Variants in ADRA1B observed in about 807,000 individuals in gnomAD.
ADRA1B encodes alpha-1B adrenergic receptor.
Under a neutral mutation model 17.9 loss-of-function variants are expected in ADRA1B, and 17 were observed. The observed-to-expected ratio is 0.95, with a 90% CI of 0.65 to 1.42. The LOEUF is 1.42. ADRA1B is among the 40% of genes most tolerant of loss of function. The pLI is 0.00. For synonymous variants in ADRA1B, 366 were observed against 327.6 expected, an observed-to-expected ratio of 1.12 and a Z score of -1.27; for missense variants, 681 against 722.1, an observed-to-expected ratio of 0.94 and a Z score of 0.65.
chr5:159,906,163 T>G (rs1003265482), intron 1 of ADRA1B, among the ~76,000 whole-genome samples: 2 of 152,188 alleles, frequency 1.3e-5, no homozygotes, highest in Non-Finnish European at 2.9e-5. Flanking sequence ...CACAATGCCA[T>G]TTTTAATGAG....
At chr5:159,926,940 A>G (rs952951682) in intron 1 of ADRA1B, among the ~76,000 whole-genome samples, 1 of 152,124 alleles carries the variant, frequency 6.6e-6, no homozygotes. Context: ...AAATGGGCTC[A>G]GGGGGGTTAA....
chr5:159,954,115 G>A (rs1755503707), intron 1 of ADRA1B, among the ~76,000 whole-genome samples: 1 of 152,124 alleles, frequency 6.6e-6, no homozygotes, highest in Admixed American at 6.5e-5. Context: ...AGATGGGAAT[G>A]GACAAGGAGG....
intron 1 of ADRA1B, among the ~76,000 whole-genome samples, chr5:159,886,288 C>G (rs1753922179): frequency 6.6e-6 from 1 of 152,142 alleles, no homozygotes; most frequent in Admixed American, 6.5e-5. Context: ...ATGCTCATCT[C>G]CCTTCCACCT....
intron 1 of ADRA1B, among the ~76,000 whole-genome samples, chr5:159,923,158 G>A (rs767003805): frequency 2.0e-5 from 3 of 152,284 alleles, no homozygotes; most frequent in African/African-American, 4.8e-5. Flanking sequence ...AGGCAGGTGC[G>A]TGTCAAGGCC....
At chr5:159,983,016 G>C in the ADRA1B span, among the ~76,000 whole-genome samples, 11 of 152,234 alleles carry the variant, frequency 7.2e-5, no homozygotes, top group African/African-American at 1.2e-4. Flanking sequence ...ATGATGTTCA[G>C]TTAATCCTGC....
At chr5:159,941,848 G>T (rs1203206924) in intron 1 of ADRA1B, among the ~76,000 whole-genome samples, 1 of 151,274 alleles carries the variant, frequency 6.6e-6, no homozygotes, top group Non-Finnish European at 1.5e-5. Context: ...CACAGAGAGA[G>T]AAAGTAGATG....
chr5:159,922,912 C>A (rs1406362098), intron 1 of ADRA1B, among the ~76,000 whole-genome samples: 1 of 152,250 alleles, frequency 6.6e-6, no homozygotes. Context: ...ACATAAACTG[C>A]AACAAGTGAC....
chr5:159,972,409 G>C lies in ADRA1B; in HGVS notation c.1480G>C (p.Gly494Arg), dbSNP rs1238651925. The C allele has an allele frequency of 2.0e-6, 3 of 1,509,300 alleles. No homozygotes were observed. The African/African-American group carries it at 4.3e-5, about 21-fold the overall frequency. The allele number at this position is 1,509,300 out of a possible 1,614,324, so 93.5% of individuals were successfully genotyped here. ...SPGTDGGASN[G>R]GCEAAADVAN... The stretch of plus-strand genomic sequence containing the variant: ...CGGGACCGACGGCGGCGCCAGCAAC[G>C]GAGGCTGCGAGGCCGCGGCCGACGT... Residue 494 changes from glycine (G) to arginine (R), a missense_variant, in exon 2 of 2, where the codon GGA becomes CGA. By Grantham distance (125) the Gly-to-Arg change is moderately radical (BLOSUM62 -2). Transcript: ENST00000306675.
At chr5:159,884,216 C>T (rs1353585618) in intron 1 of ADRA1B, among the ~76,000 whole-genome samples, 1 of 152,232 alleles carries the variant, frequency 6.6e-6, no homozygotes, top group Non-Finnish European at 1.5e-5. Flanking sequence ...TTTTCCCAAT[C>T]CCTAAATGGC....
chr5:159,880,903 G>C (rs182840756), intron 1 of ADRA1B, among the ~76,000 whole-genome samples: 2 of 152,170 alleles, frequency 1.3e-5, no homozygotes, highest in Non-Finnish European at 2.9e-5. Flanking sequence ...TCTAGGTTAG[G>C]TAAATATCAG....
intron 1 of ADRA1B, among the ~76,000 whole-genome samples, chr5:159,892,098 G>A (rs745502409): frequency 1.2e-4 from 18 of 152,138 alleles, no homozygotes; most frequent in African/African-American, 3.6e-4. Flanking sequence ...TTAGCTGGGC[G>A]TGGTGGCGCA....
At chr5:159,948,362 T>C in intron 1 of ADRA1B, 1 of 985,384 alleles carries the variant, frequency 1.0e-6, no homozygotes, top group African/African-American at 1.7e-5. Context: ...GGAAAGAAAA[T>C]ATAACTCTCA....
chr5:159,902,703 C>G (rs1754116339), intron 1 of ADRA1B, among the ~76,000 whole-genome samples: 1 of 152,220 alleles, frequency 6.6e-6, no homozygotes, highest in Non-Finnish European at 1.5e-5. Flanking sequence ...GACATGATGC[C>G]TGGCACAAAG....
At chr5:159,987,048 C>T in the ADRA1B span, among the ~76,000 whole-genome samples, 3 of 152,218 alleles carry the variant, frequency 2.0e-5, no homozygotes, top group Non-Finnish European at 4.4e-5. Flanking sequence ...ATCGACCCGT[C>T]ACTTCCCAGG....
chr5:159,870,105 A>T (rs913472495), intron 1 of ADRA1B: 2 of 152,236 alleles, frequency 1.3e-5, no homozygotes, highest in East Asian at 3.8e-4. Context: ...CAATGCTATG[A>T]AGGGAAAAAA....
At chr5:159,966,897 T>C (rs1755785673) in intron 1 of ADRA1B, among the ~76,000 whole-genome samples, 1 of 152,144 alleles carries the variant, frequency 6.6e-6, no homozygotes. Flanking sequence ...AAAACTACCA[T>C]CTATCCAGAC....
intron 1 of ADRA1B, among the ~76,000 whole-genome samples, chr5:159,929,348 G>T (rs1754739663): frequency 6.6e-6 from 1 of 151,984 alleles, no homozygotes; most frequent in African/African-American, 2.4e-5. Context: ...ATTTCTATTG[G>T]TGACAAATCC....
In ADRA1B at chr5:159,917,745, T is replaced by G. The variant is rs764657630; in HGVS notation, c.840T>G (p.Ala280=). The change falls in exon 1 of 2, where the codon GCT becomes GCG. Residue 280 remains alanine (A), a synonymous_variant. Coordinates refer to ENST00000306675, the MANE Select transcript of ADRA1B (RefSeq NM_000679.4). ...AKGHNPRSSI[A]VKLFKFSREK... is the part of the protein sequence containing the mutation. Reference sequence around the variant, plus strand: ...GCCACAACCCCAGGAGTTCCATAGCTGTCAAACTTTTTAAGTTCTCCAGGG... The same window carrying G: ...GCCACAACCCCAGGAGTTCCATAGCGGTCAAACTTTTTAAGTTCTCCAGGG... 6.2e-7 allele frequency: 1 copy of G among 1,614,106 alleles called. No individual in the cohort carries two copies. The highest frequency in any genetic ancestry group is 1.1e-5 in the South Asian group (1 of 91,076).
At chr5:159,899,130 A>G (rs983437360) in intron 1 of ADRA1B, among the ~76,000 whole-genome samples, 6 of 151,570 alleles carry the variant, frequency 4.0e-5, no homozygotes, top group African/African-American at 1.5e-4. Context: ...CTGGGTGACA[A>G]AGTGAGACCC....
Sources: gnomAD v4.1 joint callset for allele counts (sites outside exome capture counted in the v4.1 genomes callset) on GRCh38, gnomAD v4.1.1 for gene constraint, MANE v1.5 for transcripts, NCBI Gene and HGNC (gene_info 2026-07-23, HGNC 2026-07-21) for gene names.